EFTUD2: variants seen among roughly 807,000 people sequenced by gnomAD.
EFTUD2 encodes elongation factor Tu GTP binding domain containing 2.
Under a neutral mutation model 114.3 loss-of-function variants are expected in EFTUD2, and 9 were observed. The ratio of observed to expected loss-of-function variants is 0.08; its 90% confidence interval spans 0.05 to 0.14. The LOEUF (loss-of-function observed/expected upper bound fraction) is 0.14. Ranked by LOEUF, EFTUD2 falls within the 10% of genes least tolerant of loss-of-function variation. The pLI, the probability that EFTUD2 is intolerant of heterozygous loss-of-function variation, is 1.00. For synonymous variants in EFTUD2, 449 were observed against 462.3 expected, an observed-to-expected ratio of 0.97 and a Z score of 0.37; for missense variants, 765 against 1,241.2, an observed-to-expected ratio of 0.62 and a Z score of 5.76.
chr17:44,880,938 G>A (rs2051061852), intron 7 of EFTUD2, among the ~76,000 whole-genome samples: 1 of 151,726 alleles, frequency 6.6e-6, no homozygotes, highest in Non-Finnish European at 1.5e-5. Flanking sequence ...TTATACATTA[G>A]AAACAAAAAC....
At chr17:44,892,160 TAA>T (rs2145574721) in intron 2 of EFTUD2, 1 of 152,336 alleles carries the variant, frequency 6.6e-6, no homozygotes, top group East Asian at 1.9e-4. Context: ...GCAAATTAGA[TAA>T]ACCTCTGTTC....
In EFTUD2 at chr17:44,863,691, G is replaced by A. The variant is rs781568750; in HGVS notation, c.1377C>T (p.Ser459=). 8.7e-6 allele frequency: 14 copies of A among 1,614,036 alleles called. No homozygotes were observed. The highest frequency in any genetic ancestry group is 3.3e-5 in the South Asian group (3 of 91,086). ...IEHTYTGGVD[S]DLGEAMSDCD... is the part of the protein sequence containing the mutation. Reference sequence around the variant, plus strand: ...AGTCACTCATAGCCTCGCCGAGGTCGGAGTCCACACCACCGGTGTAGGTGT... The same window carrying A: ...AGTCACTCATAGCCTCGCCGAGGTCAGAGTCCACACCACCGGTGTAGGTGT... Residue 459 remains serine, a synonymous_variant, in exon 15 of 28, where the codon TCC becomes TCT. Transcript: ENST00000426333.
At chr17:44,879,782 A>C in intron 8 of EFTUD2, 144 bp from the exon 9 acceptor site, 1 of 738,342 alleles carries the variant, frequency 1.4e-6, no homozygotes, top group East Asian at 2.8e-5. Context: ...ACAGGGTAAA[A>C]ATATCCCCCA....
chr17:44,850,351 C>T lies in EFTUD2; in HGVS notation c.*923G>A, dbSNP rs2050421819. The T allele has an allele frequency of 6.2e-7, 1 of 1,613,254 alleles. No homozygotes were observed. Among genetic ancestry groups the T allele is most frequent in the East Asian group, 2.2e-5 (1 of 44,882 alleles). Reference sequence around the variant, plus strand: ...ACACAGGTGCTGTGTACACAATGTACAGCGATTACGTCAAGAGGATGGCAC... The same window carrying T: ...ACACAGGTGCTGTGTACACAATGTATAGCGATTACGTCAAGAGGATGGCAC... On this transcript the variant is annotated 3_prime_UTR_variant, in exon 28 of 28. Transcript: ENST00000426333.
chr17:44,871,540 C>T (rs1350021919), intron 11 of EFTUD2, among the ~76,000 whole-genome samples: 2 of 151,430 alleles, frequency 1.3e-5, no homozygotes, highest in Non-Finnish European at 2.9e-5. Context: ...GGGATTTCAC[C>T]GTGTTAGCCA....
At chr17:44,873,359 G>A (rs2050888632) in intron 10 of EFTUD2, among the ~76,000 whole-genome samples, 1 of 152,116 alleles carries the variant, frequency 6.6e-6, no homozygotes, top group African/African-American at 2.4e-5. Flanking sequence ...CTTGCTTAGA[G>A]GTTCTTTTGC....
At chr17:44,892,631 CTTTT>C (rs967860195) in intron 2 of EFTUD2, among the ~76,000 whole-genome samples, 3 of 101,372 alleles carry the variant, frequency 3.0e-5, no homozygotes, top group Admixed American at 1.3e-4. Flanking sequence ...ACTGTAAAAC[CTTTT>C]TTTTTTTTTT....
chr17:44,868,041 T>C, intron 12 of EFTUD2, 144 bp from the exon 13 acceptor site: 1 of 922,072 alleles, frequency 1.1e-6, no homozygotes, highest in South Asian at 1.9e-5. Context: ...GACAGATTCC[T>C]GGAAGGATAC....
Position 44,872,570 on chromosome 17 carries a change from G to A in EFTUD2, c.870C>T (p.Ser290=). 3.1e-6 allele frequency: 5 copies of A among 1,607,340 alleles called. No individual in the cohort carries two copies. The highest frequency in any genetic ancestry group is 1.1e-5 in the South Asian group (1 of 90,434). Residue 290 remains serine, a splice_region_variant and synonymous_variant, in exon 11 of 28, where the codon AGC becomes AGT. Transcript: ENST00000426333. The part of the protein sequence containing the change: ...HIVDEVNGLI[S]MYSTDENLIL... ...TCAGGTTCTCATCAGTGGAATACAT[G>A]CTGAAACAGAGACAGTGGTGAACAC...
At chr17:44,892,403 C>CA (rs1418555950) in intron 2 of EFTUD2, 1 of 152,132 alleles carries the variant, frequency 6.6e-6, no homozygotes, top group East Asian at 1.9e-4. Context: ...GCTGGTGACC[C>CA]ATTAATCAAA....
chr17:44,866,391 C>T (rs1175145636), intron 13 of EFTUD2, among the ~76,000 whole-genome samples: 2 of 151,518 alleles, frequency 1.3e-5, no homozygotes, highest in Admixed American at 6.6e-5. Flanking sequence ...ACCACAAGTG[C>T]ACACCACCAG....
At chr17:44,862,531 GC>G (rs1357369994) in intron 16 of EFTUD2, among the ~76,000 whole-genome samples, 181 bp downstream of exon 16, 1 of 152,202 alleles carries the variant, frequency 6.6e-6, no homozygotes. Context: ...GCTGCCTTTG[GC>G]CCCAGCAAAC....
At chr17:44,855,097 A>T in intron 20 of EFTUD2, 93 bp from the exon 21 acceptor site, 1 of 1,167,708 alleles carries the variant, frequency 8.6e-7, no homozygotes, top group Non-Finnish European at 1.3e-6. Flanking sequence ...CAGCTGAGGA[A>T]GTGACATCAG....
At chr17:44,884,660 A>G (rs2051133665) in intron 4 of EFTUD2, among the ~76,000 whole-genome samples, 1 of 152,182 alleles carries the variant, frequency 6.6e-6, no homozygotes, top group Non-Finnish European at 1.5e-5. Context: ...TGGGAAACTA[A>G]GGCAGGAGAA....
intron 2 of EFTUD2, chr17:44,892,357 C>T (rs1160357961): frequency 1.3e-5 from 2 of 152,056 alleles, no homozygotes; most frequent in African/African-American, 4.8e-5. Flanking sequence ...AGGACAAGAC[C>T]AAACACAGAT....
intron 19 of EFTUD2, 73 bp downstream of exon 19, chr17:44,859,007 C>T: frequency 1.0e-6 from 1 of 998,020 alleles, no homozygotes; most frequent in Non-Finnish European, 1.6e-6. Context: ...TGGAGCTTCC[C>T]AGGAATTCAA....
intron 13 of EFTUD2, among the ~76,000 whole-genome samples, chr17:44,867,604 T>C (rs1377386932): frequency 6.6e-6 from 1 of 151,882 alleles, no homozygotes; most frequent in Non-Finnish European, 1.5e-5. Flanking sequence ...CCGGGCCCCT[T>C]TCCTTTGATT....
chr17:44,895,269 G>A (rs1353139454), intron 1 of EFTUD2, among the ~76,000 whole-genome samples: 1 of 152,256 alleles, frequency 6.6e-6, no homozygotes. Flanking sequence ...GCCAAGGCAG[G>A]CAGATGACCT....
Position 44,857,126 on chromosome 17 carries a change from G to A in EFTUD2, c.1994C>T (p.Thr665Met), listed in dbSNP as rs2050571775. ...CTTGAGGGAGGATGTTTCCACCACC[G>A]TCTCACAAAACGTGACAACTGGGTC... The part of the protein sequence containing the change: ...VADPVVTFCE[T>M]VVETSSLKCF... Residue 665 changes from threonine to methionine, a missense_variant, in exon 20 of 28, where the codon ACG (threonine) becomes ATG (methionine). Transcript: ENST00000426333. 6.2e-7 allele frequency: 1 copy of A among 1,613,872 alleles called. No individual in the cohort carries two copies. The highest frequency in any genetic ancestry group is 1.3e-5 in the African/African-American group (1 of 74,928).
Sources: gnomAD v4.1 joint callset for allele counts (sites outside exome capture counted in the v4.1 genomes callset) on GRCh38, gnomAD v4.1.1 for gene constraint, MANE v1.5 for transcripts, NCBI Gene and HGNC (gene_info 2026-07-23, HGNC 2026-07-21) for gene names.